The following ZNF536 variants were observed in gnomAD, a reference collection of about 807,000 sequenced individuals.
ZNF536 encodes the protein zinc finger protein 536.
A neutral mutation model predicts 84.5 loss-of-function variants in ZNF536; 13 were observed. That is an observed-to-expected ratio of 0.15 (90% CI 0.10 to 0.24). The LOEUF (loss-of-function observed/expected upper bound fraction) is 0.24, where lower values mean the gene tolerates loss of function less well. Among genes scored for constraint, ZNF536 ranks in the 10% least tolerant of loss-of-function variants. ZNF536 has a pLI of 1.00. For missense variants in ZNF536, 1,536 were observed against 1,747.5 expected, an observed-to-expected ratio of 0.88 and a Z score of 2.16; for synonymous variants, 811 against 742.5, an observed-to-expected ratio of 1.09 and a Z score of -1.50.
chr19:30,499,688 A>G (rs1191381449), intron 2 of ZNF536, among the ~76,000 whole-genome samples: 1 of 152,202 alleles, frequency 6.6e-6, no homozygotes, highest in East Asian at 1.9e-4. Context: ...TCGTGTGATT[A>G]CCTTCTTTTC....
chr19:30,685,669 A>G (rs1245430107), intron 1 of ZNF536, among the ~76,000 whole-genome samples: 1 of 152,150 alleles, frequency 6.6e-6, no homozygotes, highest in Non-Finnish European at 1.5e-5. Context: ...ATTTGTACAT[A>G]TTACATAATC....
intron 2 of ZNF536, among the ~76,000 whole-genome samples, chr19:30,302,901 G>A (rs1436984775): frequency 6.6e-6 from 1 of 152,102 alleles, no homozygotes; most frequent in Non-Finnish European, 1.5e-5. Context: ...GACTGGTGGT[G>A]GCCTTACGTC....
intron 1 of ZNF536, among the ~76,000 whole-genome samples, chr19:30,588,214 C>T (rs578164255): frequency 3.3e-5 from 5 of 152,314 alleles, no homozygotes; most frequent in African/African-American, 1.2e-4. Context: ...CAGACAGCAC[C>T]CTAGCAGAAA....
At chr19:30,326,360 G>T (rs1015034583) in intron 2 of ZNF536, among the ~76,000 whole-genome samples, 1 of 152,236 alleles carries the variant, frequency 6.6e-6, no homozygotes, top group African/African-American at 2.4e-5. Context: ...CCAGAGCAGT[G>T]CAGGGAGAAA....
chr19:30,233,067 G>A (rs1299291235), intron 1 of ZNF536, among the ~76,000 whole-genome samples: 1 of 152,208 alleles, frequency 6.6e-6, no homozygotes, highest in Non-Finnish European at 1.5e-5. Flanking sequence ...TAAGTCCAGG[G>A]GGTTGGACTG....
intron 1 of ZNF536, among the ~76,000 whole-genome samples, chr19:30,582,825 C>T (rs573471020): frequency 6.6e-6 from 1 of 152,120 alleles, no homozygotes; most frequent in Non-Finnish European, 1.5e-5. Flanking sequence ...ACCATGAAAA[C>T]AGTGTGGGGG....
Position 30,444,392 on chromosome 19 carries a change from C to T in ZNF536, c.830C>T (p.Thr277Ile), listed in dbSNP as rs2148181944. 1.2e-6 allele frequency: 2 copies of T among 1,606,784 alleles called. No homozygotes were observed. The stretch of plus-strand genomic sequence containing the variant: ...GCCCCGGCGGCGGGCTTCCGCTGTA[C>T]CTTCTGCAAGGGCAAGTTCAAGAAG... ...AVAPAAGFRCTFCKGKFKKRE... is the reference protein window; with the variant it reads ...AVAPAAGFRCIFCKGKFKKRE... The change falls in exon 2 of 5, where the codon ACC (threonine) becomes ATC (isoleucine). Residue 277 changes from threonine (T) to isoleucine (I), a missense_variant. Thr to Ile is a moderately conservative substitution (Grantham distance 89). Around this residue, in one of 8 missense-constraint regions of ZNF536, gnomAD observed 61 missense variants for 104.0 expected, o/e 0.59. Coordinates refer to ENST00000355537, the MANE Select transcript of ZNF536 (RefSeq NM_014717.3).
At chr19:30,375,880 CGT>C (rs745449576) in intron 1 of ZNF536, among the ~76,000 whole-genome samples, 20 of 151,920 alleles carry the variant, frequency 1.3e-4, no homozygotes, top group Admixed American at 6.6e-4. Context: ...CGTGTGTGTG[CGT>C]GTGTGTGTTA....
At chr19:30,585,472 G>A (rs1431848860) in intron 1 of ZNF536, among the ~76,000 whole-genome samples, 1 of 152,142 alleles carries the variant, frequency 6.6e-6, no homozygotes, top group Non-Finnish European at 1.5e-5. Flanking sequence ...GGCTATTGAT[G>A]GAGACCCTAG....
At chr19:30,410,039 T>A (rs900228496) in intron 1 of ZNF536, among the ~76,000 whole-genome samples, 1 of 152,160 alleles carries the variant, frequency 6.6e-6, no homozygotes, top group Admixed American at 6.5e-5. Context: ...CATCTTCTAA[T>A]TGTTTCTTCG....
At chr19:30,463,938 A>G (rs1441897709) in intron 2 of ZNF536, among the ~76,000 whole-genome samples, 3 of 152,110 alleles carry the variant, frequency 2.0e-5, no homozygotes, top group East Asian at 3.9e-4. Context: ...CCTTGGCTCC[A>G]TGTCCAACTT....
chr19:30,556,454 CCT>C (rs1314785663), intron 4 of ZNF536: 1 of 152,238 alleles, frequency 6.6e-6, no homozygotes, highest in Admixed American at 6.5e-5. Flanking sequence ...GGAGAGGCAG[CCT>C]CTCTGGATGG....
At chr19:30,690,224 C>T (rs780032955) in intron 1 of ZNF536, among the ~76,000 whole-genome samples, 1 of 152,212 alleles carries the variant, frequency 6.6e-6, no homozygotes, top group Non-Finnish European at 1.5e-5. Context: ...ATTGGTCCAC[C>T]ATCCTAGAGG....
intron 1 of ZNF536, among the ~76,000 whole-genome samples, chr19:30,230,813 G>T (rs1175787433): frequency 6.6e-6 from 1 of 152,168 alleles, no homozygotes; most frequent in Non-Finnish European, 1.5e-5. Flanking sequence ...AGCAAGAGAA[G>T]CTTATCTCTG....
At chr19:30,227,823 C>T (rs1468252951), upstream of ZNF536, among the ~76,000 whole-genome samples, 1 of 151,772 alleles carries the variant, frequency 6.6e-6, no homozygotes, top group Non-Finnish European at 1.5e-5. Flanking sequence ...GGCGGCCGGG[C>T]AGCCCGAGCG....
At chr19:30,708,212 A>G (rs1247503878) in intron 1 of ZNF536, among the ~76,000 whole-genome samples, 1 of 152,124 alleles carries the variant, frequency 6.6e-6, no homozygotes, top group Non-Finnish European at 1.5e-5. Context: ...CAGGCCCACA[A>G]AGCAGGCATC....
chr19:30,635,358 AT>A (rs2147277654), intron 1 of ZNF536, among the ~76,000 whole-genome samples: 1 of 152,182 alleles, frequency 6.6e-6, no homozygotes, highest in African/African-American at 2.4e-5. Flanking sequence ...ATTTATTTGG[AT>A]TTTGTGGTTG....
At chr19:30,226,982 T>C (rs547179457), upstream of ZNF536, among the ~76,000 whole-genome samples, 3 of 141,824 alleles carry the variant, frequency 2.1e-5, no homozygotes, top group Non-Finnish European at 3.1e-5. This position sits in a 1 kb window ranked among gnomAD's most constrained non-coding sequence, Gnocchi z 4.6. Context: ...GGGTGTATTT[T>C]AGGCAAAAAA....
chr19:30,498,450 G>A (rs55976206), intron 2 of ZNF536, among the ~76,000 whole-genome samples: 9,806 of 152,070 alleles, frequency 0.064, 410 homozygotes, highest in East Asian at 0.18. Context: ...GAGTGGGGTG[G>A]GGGGACGGAG....
Sources: gnomAD v4.1 joint callset for allele counts (sites outside exome capture counted in the v4.1 genomes callset) on GRCh38, gnomAD v4.1.1 for gene constraint, gnomAD v4.1.1 regional missense constraint, Gnocchi (gnomAD v3.1) non-coding constraint, MANE v1.5 for transcripts, NCBI Gene and HGNC (gene_info 2026-07-23, HGNC 2026-07-21) for gene names.